Variants in TNFSF4 observed in about 807,000 individuals in gnomAD.
TNFSF4 encodes the protein TNF superfamily member 4.
In TNFSF4, 4 loss-of-function variants were observed where a neutral mutation model predicts 7.3. The observed-to-expected ratio is 0.55, with a 90% CI of 0.27 to 1.25. TNFSF4 has a LOEUF of 1.25. TNFSF4 is among the 50% of genes most tolerant of loss of function. TNFSF4 has a pLI of 0.12. For synonymous variants in TNFSF4, 76 were observed against 83.7 expected (o/e 0.91, Z 0.50); for missense variants, 181 against 208.8 (o/e 0.87, Z 0.82).
chr1:173,257,148 G>A, the TNFSF4 span, among the ~76,000 whole-genome samples: 11 of 152,304 alleles, frequency 7.2e-5, no homozygotes, highest in East Asian at 3.9e-4. Context: ...AAACTCTTTC[G>A]TATCTCCAAG....
At chr1:173,331,561 A>G in the TNFSF4 span, among the ~76,000 whole-genome samples, 1 of 152,254 alleles carries the variant, frequency 6.6e-6, no homozygotes. Flanking sequence ...ACATGAAAAG[A>G]GCAAAGTGAT....
the TNFSF4 span, among the ~76,000 whole-genome samples, chr1:173,253,059 T>G: frequency 2.0e-5 from 3 of 152,228 alleles, no homozygotes; most frequent in African/African-American, 4.8e-5. Flanking sequence ...ATTCACTCTG[T>G]CTTACCAGAA....
the TNFSF4 span, among the ~76,000 whole-genome samples, chr1:173,248,788 G>A: frequency 6.2e-3 from 950 of 152,260 alleles, 9 homozygotes; most frequent in Non-Finnish European, 8.2e-3. Context: ...CTCCCTGTTC[G>A]TCAGTGCACC....
chr1:173,334,984 G>A, the TNFSF4 span, among the ~76,000 whole-genome samples: 9 of 152,116 alleles, frequency 5.9e-5, no homozygotes, highest in East Asian at 1.4e-3. Context: ...GAAATCAGAG[G>A]AACATGTGTA....
chr1:173,341,159 A>G, the TNFSF4 span, among the ~76,000 whole-genome samples: 48,890 of 152,170 alleles, frequency 0.32, 7,870 homozygotes, highest in East Asian at 0.35. Flanking sequence ...CTGTGAGTCA[A>G]TTAAACCTCT....
intron 1 of TNFSF4, among the ~76,000 whole-genome samples, chr1:173,191,950 G>A (rs1267547557): frequency 6.6e-6 from 1 of 152,202 alleles, no homozygotes; most frequent in Non-Finnish European, 1.5e-5. Context: ...GCCGAGGCAG[G>A]CAGATCACAT....
At chr1:173,384,443 C>G in the TNFSF4 span, among the ~76,000 whole-genome samples, 4 of 152,070 alleles carry the variant, frequency 2.6e-5, no homozygotes, top group Non-Finnish European at 4.4e-5. Context: ...TTGTTCTCAC[C>G]TTCTTTAGAG....
chr1:173,278,056 A>G, the TNFSF4 span, among the ~76,000 whole-genome samples: 1 of 152,102 alleles, frequency 6.6e-6, no homozygotes, highest in Non-Finnish European at 1.5e-5. Flanking sequence ...TTGCTCATCT[A>G]AGAAGAACAG....
the TNFSF4 span, among the ~76,000 whole-genome samples, chr1:173,256,948 G>C: frequency 6.6e-6 from 1 of 152,172 alleles, no homozygotes; most frequent in Non-Finnish European, 1.5e-5. Flanking sequence ...ATGAAATTGG[G>C]TCAAATTGAA....
intron 1 of TNFSF4, among the ~76,000 whole-genome samples, chr1:173,201,565 A>C (rs573959883): frequency 4.6e-5 from 7 of 152,288 alleles, no homozygotes; most frequent in Non-Finnish European, 8.8e-5. Flanking sequence ...ACCAAATTCC[A>C]GTCTTGGAAA....
chr1:173,377,105 C>T, the TNFSF4 span, among the ~76,000 whole-genome samples: 6 of 152,132 alleles, frequency 3.9e-5, no homozygotes, highest in Non-Finnish European at 7.3e-5. Context: ...TCACTGTGAG[C>T]GTCTGTGGCT....
At chr1:173,322,735 T>C in the TNFSF4 span, among the ~76,000 whole-genome samples, 1 of 152,110 alleles carries the variant, frequency 6.6e-6, no homozygotes, top group South Asian at 2.1e-4. Context: ...CACCAGGAGA[T>C]TAAATCCTGC....
intron 1 of TNFSF4, among the ~76,000 whole-genome samples, chr1:173,197,956 T>C (rs1310077291): frequency 6.6e-6 from 1 of 152,132 alleles, no homozygotes; most frequent in Non-Finnish European, 1.5e-5. Flanking sequence ...CAAATCAAAT[T>C]ATATAAGAAC....
chr1:173,436,336 C>T, the TNFSF4 span, among the ~76,000 whole-genome samples: 3 of 152,208 alleles, frequency 2.0e-5, no homozygotes, highest in Non-Finnish European at 4.4e-5. Context: ...ATACAAAATG[C>T]CCCAGCATTA....
At chr1:173,211,461 C>T (rs1027565505), upstream of TNFSF4, among the ~76,000 whole-genome samples, 1 of 152,138 alleles carries the variant, frequency 6.6e-6, no homozygotes. Context: ...TTTGCCATTC[C>T]TATTGCTTCT....
At chr1:173,182,016 C>T (rs1210632276), downstream of TNFSF4, among the ~76,000 whole-genome samples, 1 of 152,106 alleles carries the variant, frequency 6.6e-6, no homozygotes, top group African/African-American at 2.4e-5. Flanking sequence ...GGTTGAAATC[C>T]GCAGGGACTA....
the TNFSF4 span, among the ~76,000 whole-genome samples, chr1:173,374,196 G>C: frequency 6.6e-6 from 1 of 152,108 alleles, no homozygotes; most frequent in African/African-American, 2.4e-5. Flanking sequence ...ACTTGATCAG[G>C]AAATGGCCAA....
At chr1:173,278,363 T>C in the TNFSF4 span, among the ~76,000 whole-genome samples, 1 of 152,092 alleles carries the variant, frequency 6.6e-6, no homozygotes, top group Admixed American at 6.6e-5. Context: ...CATTTCTGGT[T>C]ATCTCCAGCC....
the TNFSF4 span, among the ~76,000 whole-genome samples, chr1:173,232,116 C>G: frequency 4.6e-5 from 7 of 152,244 alleles, no homozygotes; most frequent in Admixed American, 4.6e-4. Context: ...AATGTTCTTC[C>G]GTTTGCTTGT....
Sources: gnomAD v4.1 joint callset for allele counts (sites outside exome capture counted in the v4.1 genomes callset) on GRCh38, gnomAD v4.1.1 for gene constraint, MANE v1.5 for transcripts, NCBI Gene and HGNC (gene_info 2026-07-23, HGNC 2026-07-21) for gene names.